Variants in BPTF observed in about 807,000 individuals in gnomAD.
The protein encoded by BPTF is bromodomain PHD finger transcription factor, also known as nucleosome-remodeling factor subunit BPTF.
In BPTF, 18 loss-of-function variants were observed where a neutral mutation model predicts 292.5. That is an observed-to-expected ratio of 0.06 (90% CI 0.04 to 0.09). BPTF has a LOEUF of 0.09. Among genes scored for constraint, BPTF ranks in the 10% least tolerant of loss-of-function variants. BPTF has a pLI of 1.00. For synonymous variants in BPTF, 1,225 were observed against 1,251.9 expected, an observed-to-expected ratio of 0.98 and a Z score of 0.45; for missense variants, 2,726 against 3,498.7, an observed-to-expected ratio of 0.78 and a Z score of 5.57.
At position 67,967,797 on chromosome 17, in the gene BPTF, C is replaced by T. The variant is rs189144607; in HGVS notation, c.8539+1141C>T. ...TCACGCCACTGCATTCCAGCCTGGA[C>T]GACAGAGCGAGACTCTGTCAAAAAA... On this transcript the variant is annotated intron_variant, in intron 26 of 27. Transcript: ENST00000306378. Among the ~76,000 whole-genome samples the T allele has an allele frequency of 6.0e-4, 85 of 141,712 alleles. No homozygotes were observed. In the East Asian group the frequency reaches 0.015, roughly 25 times the overall value. The allele number at this position is 141,712 out of a possible 152,430, so 93.0% of individuals were successfully genotyped here. A position where few individuals can be genotyped will look rare whatever the true frequency, so the allele number is the denominator to read the frequency against.
chr17:67,828,157 C>G (rs2056291471), intron 1 of BPTF, among the ~76,000 whole-genome samples: 1 of 152,116 alleles, frequency 6.6e-6, no homozygotes, highest in African/African-American at 2.4e-5. Flanking sequence ...GTCTCGAACT[C>G]TTGACCTCGT....
At chr17:67,964,158 A>G (rs1357457944) in intron 24 of BPTF, 54 bp from the exon 25 acceptor site, 51 of 1,539,916 alleles carry the variant, frequency 3.3e-5, no homozygotes, top group Non-Finnish European at 4.4e-5. Flanking sequence ...GCTTTATTAT[A>G]AGTAACATCA....
intron 1 of BPTF, among the ~76,000 whole-genome samples, chr17:67,842,956 A>G (rs2057679793): frequency 6.6e-6 from 1 of 151,830 alleles, no homozygotes; most frequent in Non-Finnish European, 1.5e-5. Flanking sequence ...GATAAAGAGC[A>G]ACAGAAATGG....
intron 9 of BPTF, 42 bp from the exon 10 acceptor site, chr17:67,909,540 C>T (rs753052865): frequency 1.5e-6 from 2 of 1,340,262 alleles, no homozygotes; most frequent in Non-Finnish European, 1.0e-6. Flanking sequence ...AGTGCTAATA[C>T]TCTGGAAATA....
chr17:67,856,549 A>G (rs1161836016), intron 2 of BPTF, among the ~76,000 whole-genome samples: 1 of 152,228 alleles, frequency 6.6e-6, no homozygotes, highest in Non-Finnish European at 1.5e-5. Flanking sequence ...AGCTCTGAGC[A>G]AGTGGGTGGG....
intron 25 of BPTF, 64 bp downstream of exon 25, chr17:67,964,468 CT>C: frequency 2.0e-6 from 3 of 1,502,894 alleles, no homozygotes; most frequent in Non-Finnish European, 2.7e-6. Context: ...GGAAGCATTT[CT>C]AGGATTTCAA....
At chr17:67,930,954 CAA>C (rs955723224) in intron 17 of BPTF, among the ~76,000 whole-genome samples, 3 of 132,246 alleles carry the variant, frequency 2.3e-5, no homozygotes, top group Non-Finnish European at 3.3e-5. Context: ...GACTCTGTCT[CAA>C]AAAAAAAAAA....
intron 26 of BPTF, among the ~76,000 whole-genome samples, chr17:67,973,269 G>A (rs1259381710): frequency 2.0e-5 from 3 of 150,296 alleles, no homozygotes; most frequent in Non-Finnish European, 3.0e-5. Flanking sequence ...AGCTACTCCA[G>A]AGGCTGAGGC....
At chr17:67,934,519 CAA>C (rs947585458) in intron 18 of BPTF, among the ~76,000 whole-genome samples, 2 of 135,622 alleles carry the variant, frequency 1.5e-5, no homozygotes, top group Non-Finnish European at 3.2e-5. Flanking sequence ...AACTCTGTCT[CAA>C]AAAAAAAAAG....
intron 4 of BPTF, among the ~76,000 whole-genome samples, chr17:67,881,590 G>A (rs1415700977): frequency 3.7e-5 from 5 of 135,118 alleles, no homozygotes; most frequent in Admixed American, 3.5e-4. Context: ...TGCAACCTCC[G>A]CCTCCCAGGT....
intron 18 of BPTF, among the ~76,000 whole-genome samples, chr17:67,934,518 T>C (rs549174726): frequency 8.9e-4 from 132 of 148,752 alleles, no homozygotes; most frequent in African/African-American, 3.0e-3. Context: ...AAACTCTGTC[T>C]CAAAAAAAAA....
In BPTF at chr17:67,959,989, G is replaced by A. The variant is rs1555683272; in HGVS notation, c.8261+114G>A. ...ATATAAATGAAAATATTAAATTTAA[G>A]AGTAATGTTTCATCCATGGTCTTGC... is the stretch of plus-strand genomic sequence containing the variant. On this transcript the variant is annotated intron_variant, in intron 24 of 27. Coordinates refer to ENST00000306378, the MANE Select transcript of BPTF (RefSeq NM_182641.4). The A allele has an allele frequency of 3.6e-6, 3 of 843,340 alleles. No homozygotes were observed. The African/African-American group carries it at 5.2e-5, about 15-fold the overall frequency. 52.2% of individuals were successfully genotyped at this position (843,340 alleles called of 1,614,324 possible). A position where few individuals can be genotyped will look rare whatever the true frequency, so the allele number is the denominator to read the frequency against.
chr17:67,876,695 A>T (rs1231439466), intron 4 of BPTF, among the ~76,000 whole-genome samples: 1 of 152,180 alleles, frequency 6.6e-6, no homozygotes, highest in Non-Finnish European at 1.5e-5. Flanking sequence ...AATCCCAGCT[A>T]CTTGGGTGGC....
intron 24 of BPTF, among the ~76,000 whole-genome samples, chr17:67,962,930 A>T (rs1181398062): frequency 6.6e-6 from 1 of 152,220 alleles, no homozygotes; most frequent in Non-Finnish European, 1.5e-5. Context: ...TAGCCCTGAT[A>T]TTGAAATGGC....
intron 2 of BPTF, among the ~76,000 whole-genome samples, chr17:67,863,543 C>A (rs1415907226): frequency 6.6e-6 from 1 of 152,224 alleles, no homozygotes; most frequent in Non-Finnish European, 1.5e-5. Flanking sequence ...CTTGGCCTCT[C>A]AAAGTTCTAG....
chr17:67,975,640 C>A (rs2069318740), intron 26 of BPTF, 132 bp from the exon 27 acceptor site: 2 of 660,814 alleles, frequency 3.0e-6, no homozygotes, highest in Non-Finnish European at 4.8e-6. Context: ...TGCAAAATAA[C>A]CTCCAGGGTG....
intron 23 of BPTF, among the ~76,000 whole-genome samples, chr17:67,954,247 T>G (rs2148156759): frequency 6.6e-6 from 1 of 152,094 alleles, no homozygotes; most frequent in South Asian, 2.1e-4. Context: ...CAGGCTGGTC[T>G]CAGAATCCTG....
At chr17:67,867,476 T>C (rs996913104) in intron 3 of BPTF, among the ~76,000 whole-genome samples, 14 of 152,362 alleles carry the variant, frequency 9.2e-5, no homozygotes, top group Admixed American at 2.6e-4. Context: ...TTGTTACAAC[T>C]AATGGACCAG....
intron 23 of BPTF, among the ~76,000 whole-genome samples, chr17:67,953,326 G>A (rs1484883741): frequency 1.3e-5 from 2 of 148,526 alleles, no homozygotes; most frequent in East Asian, 2.0e-4. Context: ...GCGCGATCTC[G>A]GCTCCTGCAA....
Sources: allele counts gnomAD v4.1 joint callset (sites outside exome capture counted in the v4.1 genomes callset), GRCh38; gene constraint gnomAD v4.1.1; transcripts MANE v1.5; gene names NCBI Gene and HGNC (gene_info 2026-07-23, HGNC 2026-07-21).